The following INO80C variants were observed in gnomAD, a reference collection of about 807,000 sequenced individuals.
The protein encoded by INO80C is INO80 complex subunit C, also known as IES6 homolog.
Under a neutral mutation model 17.7 loss-of-function variants are expected in INO80C, and 17 were observed. That is an observed-to-expected ratio of 0.96 (90% confidence interval 0.66 to 1.44). The LOEUF is 1.44. INO80C is among the 40% of genes most tolerant of loss of function. The pLI is 0.00. For missense variants in INO80C, 244 were observed against 245.0 expected, an observed-to-expected ratio of 1.00 and a Z score of 0.03; for synonymous variants, 96 against 95.8, an observed-to-expected ratio of 1.00 and a Z score of -0.01.
chr18:35,489,739 G>A (rs1278188142), intron 1 of INO80C, among the ~76,000 whole-genome samples: 3 of 152,212 alleles, frequency 2.0e-5, no homozygotes, highest in Admixed American at 2.0e-4. Context: ...TAAAGTCTGT[G>A]TATTAAATAT....
intron 2 of INO80C, 71 bp from the exon 3 acceptor site, chr18:35,479,482 T>A (rs2045779294): frequency 1.1e-6 from 1 of 901,546 alleles, no homozygotes; most frequent in East Asian, 2.5e-5. Flanking sequence ...CTGACATTTA[T>A]GCCTAATCAT....
At chr18:35,478,742 C>G (rs556836007) in intron 3 of INO80C, among the ~76,000 whole-genome samples, 2 of 152,372 alleles carry the variant, frequency 1.3e-5, no homozygotes, top group Admixed American at 6.5e-5. Flanking sequence ...GAATGAATGA[C>G]TAGCTCACTT....
chr18:35,474,984 A>G (rs2045717613), intron 4 of INO80C, among the ~76,000 whole-genome samples: 1 of 152,208 alleles, frequency 6.6e-6, no homozygotes, highest in African/African-American at 2.4e-5. Flanking sequence ...ATCCTAGAAG[A>G]AGGGAAAAAG....
intron 3 of INO80C, 30 bp downstream of exon 3, chr18:35,479,270 C>A (rs1477407755): frequency 7.3e-7 from 1 of 1,364,898 alleles, no homozygotes; most frequent in Non-Finnish European, 1.0e-6. Context: ...CTGAACATTA[C>A]AAACACATGG....
intron 1 of INO80C, among the ~76,000 whole-genome samples, chr18:35,482,231 CATGTGGA>C (rs1441869270): frequency 1.3e-5 from 2 of 152,182 alleles, no homozygotes; most frequent in South Asian, 4.1e-4. Flanking sequence ...ATCATGTTGT[CATGTGGA>C]ATGTGGAAGA....
At chr18:35,479,116 G>C in intron 3 of INO80C, 184 bp downstream of exon 3, 1 of 532,792 alleles carries the variant, frequency 1.9e-6, no homozygotes, top group Non-Finnish European at 3.3e-6. Context: ...AAACAAATAG[G>C]CTCAATACAG....
intron 4 of INO80C, among the ~76,000 whole-genome samples, chr18:35,472,374 T>A (rs950486792): frequency 1.1e-4 from 17 of 152,236 alleles, no homozygotes; most frequent in Admixed American, 7.9e-4. Flanking sequence ...CATTTTTTCA[T>A]GTGTTTTTTG....
chr18:35,482,433 T>A (rs1238307058), intron 1 of INO80C, among the ~76,000 whole-genome samples: 1 of 151,786 alleles, frequency 6.6e-6, no homozygotes, highest in African/African-American at 2.4e-5. Context: ...GGAAGAGGAG[T>A]GGAGAAGACA....
chr18:35,474,267 A>G (rs2045708442), intron 4 of INO80C, among the ~76,000 whole-genome samples: 1 of 135,874 alleles, frequency 7.4e-6, no homozygotes, highest in South Asian at 2.4e-4. Context: ...AGTAGTCTTA[A>G]AAGACAAGGA....
At chr18:35,486,795 A>G (rs1315195487) in intron 1 of INO80C, among the ~76,000 whole-genome samples, 1 of 150,840 alleles carries the variant, frequency 6.6e-6, no homozygotes, top group African/African-American at 2.4e-5. Flanking sequence ...TTAAAAAAAA[A>G]AAAAAAAAAA....
chr18:35,481,237 T>C (rs563248839), intron 1 of INO80C, among the ~76,000 whole-genome samples: 49 of 152,290 alleles, frequency 3.2e-4, no homozygotes, highest in African/African-American at 1.2e-3. Context: ...AACGCTAATA[T>C]GGTTTAAAGC....
chr18:35,497,668 C>CA, intron 1 of INO80C, 51 bp downstream of exon 1: 1 of 1,581,154 alleles, frequency 6.3e-7, no homozygotes, highest in Non-Finnish European at 8.6e-7. Flanking sequence ...TCCGCCCCGC[C>CA]AAGTCCCGTT....
chr18:35,473,265 GGCCAAATACATGAAGTA>G (rs2045692129), intron 4 of INO80C, among the ~76,000 whole-genome samples: 1 of 152,186 alleles, frequency 6.6e-6, no homozygotes, highest in Non-Finnish European at 1.5e-5. Flanking sequence ...TATTACAACA[GGCCAAATACATGAAGTA>G]GCCATTTTCA....
chr18:35,497,644 C>T (rs1266085607), intron 1 of INO80C, 75 bp downstream of exon 1: 2 of 1,526,982 alleles, frequency 1.3e-6, no homozygotes, highest in Non-Finnish European at 8.8e-7. Context: ...ATTACGCACG[C>T]GCCCTGGCTC....
chr18:35,486,561 G>A (rs2045876305), intron 1 of INO80C, among the ~76,000 whole-genome samples: 1 of 151,786 alleles, frequency 6.6e-6, no homozygotes, highest in South Asian at 2.1e-4. Context: ...TATAAAAGAA[G>A]GAATGAATAA....
At chr18:35,474,413 C>A (rs1156413251) in intron 4 of INO80C, among the ~76,000 whole-genome samples, 1 of 151,492 alleles carries the variant, frequency 6.6e-6, no homozygotes, top group Non-Finnish European at 1.5e-5. Context: ...TCAGGTCAGG[C>A]ACGGTGGCTC....
intron 4 of INO80C, among the ~76,000 whole-genome samples, chr18:35,475,654 C>T (rs1040497273): frequency 6.8e-6 from 1 of 148,000 alleles, no homozygotes; most frequent in African/African-American, 2.5e-5. Flanking sequence ...GCCTGGGCAA[C>T]AGAGTAAGAC....
intron 4 of INO80C, 55 bp downstream of exon 4, chr18:35,478,227 A>T (rs2045760262): frequency 7.8e-7 from 1 of 1,288,062 alleles, no homozygotes; most frequent in African/African-American, 1.5e-5. Context: ...GTCTAATTAG[A>T]CATTACTGTG....
At chr18:35,470,450 A>T (rs2045656946) in intron 4 of INO80C, among the ~76,000 whole-genome samples, 1 of 152,244 alleles carries the variant, frequency 6.6e-6, no homozygotes, top group South Asian at 2.1e-4. Flanking sequence ...TTAGAAAAAC[A>T]GTGACAAGTC....
Sources: gnomAD v4.1 joint callset for allele counts (sites outside exome capture counted in the v4.1 genomes callset) on GRCh38, gnomAD v4.1.1 for gene constraint, MANE v1.5 for transcripts, NCBI Gene and HGNC (gene_info 2026-07-23, HGNC 2026-07-21) for gene names.